MEIKIN: variants seen among roughly 807,000 people sequenced by gnomAD.
The protein encoded by MEIKIN is meiotic kinetochore factor.
intron 11 of MEIKIN, among the ~76,000 whole-genome samples, chr5:131,835,982 A>T (rs1421749515): frequency 6.6e-6 from 1 of 152,020 alleles, no homozygotes; most frequent in African/African-American, 2.4e-5. Flanking sequence ...TGTTGCACAG[A>T]TTATTTTGTC....
At chr5:131,871,795 CAA>C (rs1750506465) in intron 9 of MEIKIN, among the ~76,000 whole-genome samples, 1 of 152,102 alleles carries the variant, frequency 6.6e-6, no homozygotes, top group African/African-American at 2.4e-5. Flanking sequence ...TCCTCTGAGA[CAA>C]AACTTCCAGA....
At chr5:131,850,641 G>T (rs1041321996) in intron 11 of MEIKIN, among the ~76,000 whole-genome samples, 1 of 151,998 alleles carries the variant, frequency 6.6e-6, no homozygotes, top group Non-Finnish European at 1.5e-5. Context: ...GAATGAAGCT[G>T]GACCCTTACC....
At chr5:131,891,678 G>A (rs1359191022) in intron 8 of MEIKIN, among the ~76,000 whole-genome samples, 1 of 152,130 alleles carries the variant, frequency 6.6e-6, no homozygotes, top group Non-Finnish European at 1.5e-5. Flanking sequence ...CAATTTGCCA[G>A]TCTGTGTCTT....
chr5:131,867,484 C>T (rs1490374987), intron 9 of MEIKIN, among the ~76,000 whole-genome samples: 1 of 152,184 alleles, frequency 6.6e-6, no homozygotes, highest in Non-Finnish European at 1.5e-5. Flanking sequence ...TAATATCATA[C>T]AAAGTAGTTT....
intron 11 of MEIKIN, among the ~76,000 whole-genome samples, chr5:131,824,474 C>T (rs1295438282): frequency 6.6e-6 from 1 of 152,042 alleles, no homozygotes; most frequent in Non-Finnish European, 1.5e-5. Context: ...GAGATATAAT[C>T]CCACTGCTAC....
intron 11 of MEIKIN, among the ~76,000 whole-genome samples, chr5:131,823,387 CTTTT>C (rs1224967167): frequency 6.6e-6 from 1 of 151,218 alleles, no homozygotes; most frequent in Non-Finnish European, 1.5e-5. Context: ...ATTCTTTCTT[CTTTT>C]GTCTCCTCTC....
chr5:131,842,954 A>T (rs1749943045), intron 11 of MEIKIN, among the ~76,000 whole-genome samples: 1 of 152,202 alleles, frequency 6.6e-6, no homozygotes, highest in Admixed American at 6.5e-5. Flanking sequence ...AGGTGTTTCC[A>T]TACAGCCTCT....
intron 8 of MEIKIN, among the ~76,000 whole-genome samples, chr5:131,890,292 T>C (rs902674227): frequency 1.3e-5 from 2 of 152,224 alleles, no homozygotes; most frequent in Non-Finnish European, 2.9e-5. Context: ...CTCCTCCTTG[T>C]ACCTCTGGTA....
At chr5:131,896,214 CAT>C (rs1751048172) in intron 8 of MEIKIN, among the ~76,000 whole-genome samples, 1 of 152,182 alleles carries the variant, frequency 6.6e-6, no homozygotes, top group Non-Finnish European at 1.5e-5. Flanking sequence ...GTTTCTTAAT[CAT>C]GAGTTCTAAT....
intron 9 of MEIKIN, among the ~76,000 whole-genome samples, chr5:131,870,540 C>T (rs1195553773): frequency 6.6e-6 from 1 of 152,144 alleles, no homozygotes; most frequent in African/African-American, 2.4e-5. Context: ...CATCTGTTCC[C>T]CTGACCTCCA....
At chr5:131,833,102 T>A (rs977339714) in intron 11 of MEIKIN, among the ~76,000 whole-genome samples, 6 of 152,210 alleles carry the variant, frequency 3.9e-5, no homozygotes, top group Non-Finnish European at 7.3e-5. Context: ...GGCTGCAAAA[T>A]TTTCAAACTT....
At chr5:131,838,058 A>G (rs1302196325) in intron 11 of MEIKIN, among the ~76,000 whole-genome samples, 4 of 152,150 alleles carry the variant, frequency 2.6e-5, no homozygotes, top group Non-Finnish European at 5.9e-5. Context: ...GATAATTTTT[A>G]ACATGAAGTG....
intron 9 of MEIKIN, among the ~76,000 whole-genome samples, chr5:131,877,626 A>C (rs1433652891): frequency 6.6e-6 from 1 of 152,214 alleles, no homozygotes; most frequent in Non-Finnish European, 1.5e-5. Context: ...CCTGGGTGAC[A>C]GAGGAAGACC....
intron 9 of MEIKIN, among the ~76,000 whole-genome samples, chr5:131,864,128 T>C (rs1408295711): frequency 1.3e-5 from 2 of 152,200 alleles, no homozygotes; most frequent in African/African-American, 4.8e-5. Context: ...CCAGTCTATA[T>C]CTTTTAAGTA....
chr5:131,841,370 A>G (rs1185202530), intron 11 of MEIKIN, among the ~76,000 whole-genome samples: 3 of 152,180 alleles, frequency 2.0e-5, no homozygotes, highest in Non-Finnish European at 4.4e-5. Flanking sequence ...GGTGGGGCAC[A>G]TACTCATCAG....
chr5:131,887,516 C>T (rs1326024561), intron 8 of MEIKIN, among the ~76,000 whole-genome samples: 1 of 152,034 alleles, frequency 6.6e-6, no homozygotes, highest in African/African-American at 2.4e-5. Flanking sequence ...CTGACTTTTT[C>T]ATGATCACCA....
intron 9 of MEIKIN, among the ~76,000 whole-genome samples, chr5:131,858,716 G>A (rs898888297): frequency 7.9e-5 from 12 of 152,116 alleles, no homozygotes; most frequent in African/African-American, 2.7e-4. Context: ...GGATATATAA[G>A]GAACTTAAAT....
intron 8 of MEIKIN, among the ~76,000 whole-genome samples, chr5:131,909,475 A>T (rs1329152028): frequency 1.3e-5 from 2 of 152,288 alleles, no homozygotes; most frequent in African/African-American, 4.8e-5. Flanking sequence ...ACAAGAAAAC[A>T]TTGGGGAAAG....
chr5:131,902,639 C>A (rs1751178347), intron 8 of MEIKIN, among the ~76,000 whole-genome samples: 1 of 151,906 alleles, frequency 6.6e-6, no homozygotes, highest in African/African-American at 2.4e-5. Context: ...TATAGTAATG[C>A]AAAAATGAAT....
Sources: allele counts gnomAD v4.1 joint callset (sites outside exome capture counted in the v4.1 genomes callset), GRCh38; gene constraint gnomAD v4.1.1; transcripts MANE v1.5; gene names NCBI Gene and HGNC (gene_info 2026-07-23, HGNC 2026-07-21).